Variants in MFHAS1 observed in about 807,000 individuals in gnomAD.
MFHAS1 encodes the protein multifunctional ROCO family signaling regulator 1.
A neutral mutation model predicts 70.4 loss-of-function variants in MFHAS1; 50 were observed. That is an observed-to-expected ratio of 0.71 (90% CI 0.57 to 0.90). The LOEUF (loss-of-function observed/expected upper bound fraction) is 0.90. Ranked by LOEUF, MFHAS1 falls within the 40% of genes least tolerant of loss-of-function variation. The pLI is 0.00. For synonymous variants in MFHAS1, 952 were observed against 620.0 expected (o/e 1.54, Z -7.96); for missense variants, 1,795 against 1,347.6 (o/e 1.33, Z -5.20).
intron 1 of MFHAS1, among the ~76,000 whole-genome samples, chr8:8,831,407 A>C (rs981774611): frequency 6.6e-6 from 1 of 152,066 alleles, no homozygotes; most frequent in Non-Finnish European, 1.5e-5. Context: ...CAACTTAAAA[A>C]TACACCTTCT....
At chr8:8,881,778 C>T (rs1012001571) in intron 1 of MFHAS1, among the ~76,000 whole-genome samples, 16 of 148,384 alleles carry the variant, frequency 1.1e-4, no homozygotes, top group Middle Eastern at 3.2e-3. Flanking sequence ...AATTGAGCCA[C>T]TGCACTCCAA....
intron 1 of MFHAS1, among the ~76,000 whole-genome samples, chr8:8,834,097 G>T (rs1439106165): frequency 1.3e-5 from 2 of 151,488 alleles, no homozygotes; most frequent in South Asian, 4.2e-4. Flanking sequence ...CTGCACTCCA[G>T]CCTGGGCAAC....
intron 1 of MFHAS1, among the ~76,000 whole-genome samples, chr8:8,869,051 G>C (rs1443625484): frequency 6.6e-6 from 1 of 152,172 alleles, no homozygotes; most frequent in Non-Finnish European, 1.5e-5. Context: ...ATGCAAAGCA[G>C]GTGCAGAGAG....
chr8:8,785,842 C>T lies in MFHAS1; in HGVS notation c.*180G>A, dbSNP rs554138924. On this transcript the variant is annotated 3_prime_UTR_variant, in exon 3 of 3. Transcript: ENST00000276282. ...TTGCTCCATGTTCTCGTCCATGCTTCCCCCCACCACCCCCTCCCCACCTCT... is the reference window on the plus strand; with the variant it reads ...TTGCTCCATGTTCTCGTCCATGCTTTCCCCCACCACCCCCTCCCCACCTCT... 10 of 409,444 alleles carry T rather than the reference C, an allele frequency of 2.4e-5. 1 individual carries two copies. Among genetic ancestry groups the T allele is most frequent in the South Asian group, 2.1e-4 (9 of 42,494 alleles). The allele number at this position is 409,444 out of a possible 1,614,324, so 25.4% of individuals were successfully genotyped here.
chr8:8,792,428 C>T (rs184257113), intron 2 of MFHAS1, among the ~76,000 whole-genome samples: 1 of 152,156 alleles, frequency 6.6e-6, no homozygotes, highest in African/African-American at 2.4e-5. Context: ...TGGTGAAACT[C>T]CTTCTCTACT....
intron 1 of MFHAS1, among the ~76,000 whole-genome samples, chr8:8,849,220 A>G (rs1319274141): frequency 6.6e-6 from 1 of 151,908 alleles, no homozygotes; most frequent in Non-Finnish European, 1.5e-5. Context: ...AGCTGGGACT[A>G]CAGGCGTGAG....
intron 1 of MFHAS1, among the ~76,000 whole-genome samples, chr8:8,855,999 C>T (rs191677359): frequency 6.6e-6 from 1 of 152,184 alleles, no homozygotes; most frequent in Non-Finnish European, 1.5e-5. Context: ...TCAGTTATTT[C>T]AATGCCAAAT....
At chr8:8,847,572 T>C (rs1004433216) in intron 1 of MFHAS1, among the ~76,000 whole-genome samples, 6 of 152,296 alleles carry the variant, frequency 3.9e-5, no homozygotes, top group African/African-American at 1.4e-4. Flanking sequence ...AATTCATTAT[T>C]GATAAGACAG....
intron 1 of MFHAS1, among the ~76,000 whole-genome samples, chr8:8,838,288 C>T (rs1807680255): frequency 6.6e-6 from 1 of 152,118 alleles, no homozygotes; most frequent in Non-Finnish European, 1.5e-5. Context: ...CAGAAAGCAA[C>T]CCCAGGATTG....
intron 1 of MFHAS1, among the ~76,000 whole-genome samples, chr8:8,872,401 G>A (rs1160646141): frequency 6.6e-6 from 1 of 152,180 alleles, no homozygotes; most frequent in Non-Finnish European, 1.5e-5. Context: ...GACGGCAGGA[G>A]GATTCCAACC....
intron 1 of MFHAS1, among the ~76,000 whole-genome samples, chr8:8,869,561 A>T (rs1030502062): frequency 1.3e-5 from 2 of 152,138 alleles, no homozygotes; most frequent in Non-Finnish European, 2.9e-5. Context: ...CTAAGACTAT[A>T]TATCTCCTGG....
Position 8,891,895 on chromosome 8 carries a change from C to A in MFHAS1, c.1164G>T (p.Gly388=), listed in dbSNP as rs376108914. 6.2e-7 allele frequency: 1 copy of A among 1,610,624 alleles called. No individual in the cohort carries two copies. Among genetic ancestry groups the A allele is most frequent in the Non-Finnish European group, 8.5e-7 (1 of 1,178,182 alleles). ...IQPPYEVCMK[G]IPYIAAYQKE... is the part of the protein sequence containing the mutation. The stretch of plus-strand genomic sequence containing the variant: ...TCTGGTAGGCTGCGATGTAGGGGAT[C>A]CCCTTCATGCAGACCTCGTAGGGGG... The change falls in exon 1 of 3, where the codon GGG becomes GGT. Residue 388 remains glycine (G), a synonymous_variant. Transcript: ENST00000276282. The surrounding 1 kb of genome is among the most constrained non-coding windows in gnomAD (Gnocchi z 5.4).
At chr8:8,816,538 G>A (rs929423268) in intron 1 of MFHAS1, among the ~76,000 whole-genome samples, 1 of 152,168 alleles carries the variant, frequency 6.6e-6, no homozygotes, top group Non-Finnish European at 1.5e-5. Flanking sequence ...TGCCATATAA[G>A]CGTGCATCGT....
intron 1 of MFHAS1, among the ~76,000 whole-genome samples, chr8:8,876,475 C>T (rs1480330909): frequency 6.6e-6 from 1 of 152,098 alleles, no homozygotes; most frequent in Non-Finnish European, 1.5e-5. Context: ...TGGCACATGC[C>T]TATAATCCCA....
chr8:8,818,495 T>C (rs1207290543), intron 1 of MFHAS1, among the ~76,000 whole-genome samples: 1 of 152,242 alleles, frequency 6.6e-6, no homozygotes, highest in African/African-American at 2.4e-5. Flanking sequence ...AAGGTGACTC[T>C]GCCATTTATC....
At chr8:8,802,602 C>G (rs1267938325) in intron 1 of MFHAS1, among the ~76,000 whole-genome samples, 1 of 152,204 alleles carries the variant, frequency 6.6e-6, no homozygotes, top group Non-Finnish European at 1.5e-5. Flanking sequence ...TCCTTATAAG[C>G]TACCCAGTTA....
At chr8:8,881,138 A>C (rs1308146639) in intron 1 of MFHAS1, among the ~76,000 whole-genome samples, 1 of 152,250 alleles carries the variant, frequency 6.6e-6, no homozygotes, top group African/African-American at 2.4e-5. Context: ...AATTTACAGC[A>C]AAAGAAAAAA....
At chr8:8,871,014 G>A (rs1809055418) in intron 1 of MFHAS1, among the ~76,000 whole-genome samples, 1 of 152,040 alleles carries the variant, frequency 6.6e-6, no homozygotes, top group South Asian at 2.1e-4. Flanking sequence ...TCTGCCTCCG[G>A]GGGTTATTCT....
chr8:8,892,485 G>A lies in MFHAS1; in HGVS notation c.574C>T (p.Gln192Ter). ...AGCTGCCGGGGGAAGGCAGTGAGCT[G>A]GTTGTGATCCACGTCCAGGGTGCGC... ...RLRTLDVDHN[Q>*]LTAFPRQLLQ... Residue 192 changes from glutamine (Q) to a stop codon, truncating the protein, a stop_gained, in exon 1 of 3, where the codon CAG becomes TAG. Transcript: ENST00000276282. LOFTEE classifies it high-confidence loss of function. The surrounding 1 kb of genome is among the most constrained non-coding windows in gnomAD (Gnocchi z 4.7). 1 of 1,606,814 alleles carries A rather than the reference G, an allele frequency of 6.2e-7. No homozygotes were observed. Among genetic ancestry groups the A allele is most frequent in the South Asian group, 1.1e-5 (1 of 90,156 alleles).
Sources: gnomAD v4.1 joint callset for allele counts (sites outside exome capture counted in the v4.1 genomes callset) on GRCh38, gnomAD v4.1.1 for gene constraint, Gnocchi (gnomAD v3.1) non-coding constraint, MANE v1.5 for transcripts, NCBI Gene and HGNC (gene_info 2026-07-23, HGNC 2026-07-21) for gene names.